The following CDK5RAP2 variants were observed in gnomAD, a reference collection of about 807,000 sequenced individuals.
The protein encoded by CDK5RAP2 is CDK5 regulatory subunit-associated protein 2.
A neutral mutation model predicts 232.9 loss-of-function variants in CDK5RAP2; 147 were observed. The observed-to-expected ratio is 0.63, with a 90% CI of 0.55 to 0.72. The LOEUF (loss-of-function observed/expected upper bound fraction) is 0.72, where lower values mean the gene tolerates loss of function less well. CDK5RAP2 is among the 30% of genes least tolerant of loss of function. CDK5RAP2 has a pLI of 0.00. For synonymous variants in CDK5RAP2, 833 were observed against 833.7 expected (o/e 1.00, Z 0.01); for missense variants, 2,195 against 2,231.5 (o/e 0.98, Z 0.33).
rs72755712 is a variant in CDK5RAP2 at position 120,498,272 on chromosome 9, T to C, written c.1312-6795A>G. Among the ~76,000 whole-genome samples, 1,212 of 152,296 alleles carry C rather than the reference T, an allele frequency of 8.0e-3. 6 individuals are homozygous for C. Among genetic ancestry groups the C allele is most frequent in the Non-Finnish European group, 0.013 (900 of 68,026 alleles). ...ACTTTCTCTCTCAAACTGTCTTTTC[T>C]CATTCCTTTGACTCCGACGGACTTC... is the stretch of plus-strand genomic sequence containing the variant. On this transcript the variant is annotated intron_variant, in intron 12 of 37. Transcript: ENST00000349780.
At chr9:120,482,268 T>C (rs1027767334) in intron 14 of CDK5RAP2, among the ~76,000 whole-genome samples, 5 of 152,328 alleles carry the variant, frequency 3.3e-5, no homozygotes, top group African/African-American at 1.2e-4. Flanking sequence ...GCAGGCTGGC[T>C]CTTAGTCCTA....
chr9:120,496,776 G>C, intron 12 of CDK5RAP2, among the ~76,000 whole-genome samples: 1 of 128,378 alleles, frequency 7.8e-6, no homozygotes, highest in South Asian at 2.5e-4. Flanking sequence ...CCCCGTCCAG[G>C]AGGGAGGTGG....
intron 12 of CDK5RAP2, among the ~76,000 whole-genome samples, 156 bp from the exon 13 acceptor site, chr9:120,491,633 T>A (rs912599779): frequency 8.5e-5 from 13 of 152,232 alleles, no homozygotes; most frequent in African/African-American, 3.1e-4. Flanking sequence ...CTTAAAATCT[T>A]ACAAAAACCA....
chr9:120,471,892 G>C lies in CDK5RAP2; in HGVS notation c.1728-14C>G. The C allele has an allele frequency of 6.2e-7, 1 of 1,613,962 alleles. No individual in the cohort carries two copies. Among genetic ancestry groups the C allele is most frequent in the Non-Finnish European group, 8.5e-7 (1 of 1,179,922 alleles). ...AGGTTGTTGATACTTGGTAAAACAA[G>C]ACACCAGAAGTTTTAAAACAGACCT... On this transcript the variant is annotated splice_polypyrimidine_tract_variant and intron_variant, in intron 15 of 37. Transcript: ENST00000349780.
At chr9:120,528,906 T>G in intron 8 of CDK5RAP2, 109 bp from the exon 9 acceptor site, 1 of 782,320 alleles carries the variant, frequency 1.3e-6, no homozygotes, top group Non-Finnish European at 2.3e-6. Flanking sequence ...CCCCCACTAC[T>G]GTGGAACTCG....
chr9:120,551,810 T>C (rs1054632144), intron 3 of CDK5RAP2, among the ~76,000 whole-genome samples: 4 of 152,224 alleles, frequency 2.6e-5, no homozygotes, highest in African/African-American at 9.6e-5. Context: ...TAGGTAATAA[T>C]ATGATTTTAC....
intron 31 of CDK5RAP2, chr9:120,408,048 TAC>T: frequency 2.3e-6 from 1 of 427,896 alleles, no homozygotes. Context: ...AGACATGTTT[TAC>T]AGAGATAGGT....
intron 3 of CDK5RAP2, among the ~76,000 whole-genome samples, chr9:120,556,017 C>T (rs1322897752): frequency 2.6e-5 from 4 of 152,080 alleles, no homozygotes; most frequent in Admixed American, 2.0e-4. Flanking sequence ...GCATTAGTTG[C>T]CACAGGCTTG....
At chr9:120,459,729 C>T (rs1485429230) in intron 19 of CDK5RAP2, among the ~76,000 whole-genome samples, 1 of 152,162 alleles carries the variant, frequency 6.6e-6, no homozygotes, top group Admixed American at 6.5e-5. Context: ...GATAGTAGTG[C>T]CAAAGCTAAG....
chr9:120,494,646 T>C (rs543978008), intron 12 of CDK5RAP2, among the ~76,000 whole-genome samples: 1 of 152,246 alleles, frequency 6.6e-6, no homozygotes, highest in South Asian at 2.1e-4. Flanking sequence ...AGAGGACAGC[T>C]CTTCCTCATG....
In CDK5RAP2 at chr9:120,394,623, C is replaced by T. The variant is rs766482413; in HGVS notation, c.5467G>A (p.Ala1823Thr). The T allele has an allele frequency of 1.9e-6, 3 of 1,612,828 alleles. No homozygotes were observed. The Admixed American group carries it at 5.0e-5, about 27-fold the overall frequency. The change falls in exon 36 of 38, where the codon GCA becomes ACA. Residue 1823 changes from alanine (A) to threonine (T), a missense_variant. Ala to Thr is a moderately conservative substitution (Grantham distance 58). Transcript: ENST00000349780. ...LHCEQIGEMK[A>T]EVTKLHKKLF... The stretch of plus-strand genomic sequence containing the variant: ...TTTTTATGTAGTTTGGTGACCTCTG[C>T]CTTCATTTCTCCAATCTAAAGAGAA...
intron 13 of CDK5RAP2, among the ~76,000 whole-genome samples, chr9:120,487,750 T>C (rs936598491): frequency 1.5e-4 from 23 of 152,222 alleles, no homozygotes; most frequent in African/African-American, 5.1e-4. Flanking sequence ...AGCCAGGCTC[T>C]GACCCAACAG....
At chr9:120,542,263 G>C (rs2041663646) in intron 5 of CDK5RAP2, among the ~76,000 whole-genome samples, 1 of 152,182 alleles carries the variant, frequency 6.6e-6, no homozygotes, top group Non-Finnish European at 1.5e-5. Flanking sequence ...CAGCACTTTG[G>C]GAGGCCAATG....
chr9:120,440,079 GC>G, intron 23 of CDK5RAP2, 107 bp from the exon 24 acceptor site: 1 of 945,868 alleles, frequency 1.1e-6, no homozygotes, highest in Admixed American at 2.0e-5. Context: ...GACCTAACAA[GC>G]CTCCCTCAAA....
chr9:120,437,422 G>A lies in CDK5RAP2; in HGVS notation c.3828C>T (p.Thr1276=), dbSNP rs766469737. The change falls in exon 25 of 38, where the codon ACC becomes ACT. Residue 1276 remains threonine, a synonymous_variant. Transcript: ENST00000349780. ...GCAACTCCTCAAATGCCTTAATCAT[G>A]GTGTTCATGTGTTGACGGGAGATGA... The part of the protein sequence containing the change: ...ICVISRQHMN[T]MIKAFEELLQ... 4 of 1,614,052 alleles carry A rather than the reference G, an allele frequency of 2.5e-6. No homozygotes were observed. Among genetic ancestry groups the A allele is most frequent in the Admixed American group, 1.7e-5 (1 of 60,010 alleles).
chr9:120,420,628 C>T (rs1016347016), intron 26 of CDK5RAP2, among the ~76,000 whole-genome samples: 1 of 152,170 alleles, frequency 6.6e-6, no homozygotes, highest in African/African-American at 2.4e-5. Context: ...CCACATGAAT[C>T]TCCATTAGAG....
chr9:120,574,905 C>T (rs1444473420), intron 1 of CDK5RAP2, among the ~76,000 whole-genome samples: 1 of 151,808 alleles, frequency 6.6e-6, no homozygotes, highest in Admixed American at 6.6e-5. Flanking sequence ...CTTTAAACCC[C>T]CTGCTGTGAA....
At chr9:120,486,685 T>C (rs2038624286) in intron 14 of CDK5RAP2, among the ~76,000 whole-genome samples, 3 of 152,088 alleles carry the variant, frequency 2.0e-5, no homozygotes, top group Admixed American at 6.6e-5. Context: ...TGTAAAGTGC[T>C]GTGAACCAGA....
At chr9:120,398,070 C>T (rs2032673851) in intron 35 of CDK5RAP2, among the ~76,000 whole-genome samples, 1 of 152,204 alleles carries the variant, frequency 6.6e-6, no homozygotes, top group Non-Finnish European at 1.5e-5. Flanking sequence ...CCAAGGGAAC[C>T]CTAGTTCCCT....
Sources: gnomAD v4.1 joint callset for allele counts (sites outside exome capture counted in the v4.1 genomes callset) on GRCh38, gnomAD v4.1.1 for gene constraint, MANE v1.5 for transcripts, NCBI Gene and HGNC (gene_info 2026-07-23, HGNC 2026-07-21) for gene names.